Variants in AGBL4 observed in about 807,000 individuals in gnomAD.
AGBL4 encodes AGBL carboxypeptidase 4, also known as cytosolic carboxypeptidase 6.
A neutral mutation model predicts 66.4 loss-of-function variants in AGBL4; 58 were observed. That is an observed-to-expected ratio of 0.87 (90% CI 0.71 to 1.09). AGBL4 has a LOEUF of 1.09. Among genes scored for constraint, AGBL4 ranks in the 50% least tolerant of loss-of-function variants. AGBL4 has a pLI of 0.00. For missense variants in AGBL4, 579 were observed against 631.0 expected, an observed-to-expected ratio of 0.92 and a Z score of 0.88; for synonymous variants, 234 against 222.9, an observed-to-expected ratio of 1.05 and a Z score of -0.44.
chr1:49,022,374 A>C (rs1663314102), intron 5 of AGBL4, among the ~76,000 whole-genome samples: 1 of 151,830 alleles, frequency 6.6e-6, no homozygotes, highest in African/African-American at 2.4e-5. Flanking sequence ...TGGGAAGGCA[A>C]ATGAGGAACC....
chr1:49,427,636 G>A (rs1423873165), intron 3 of AGBL4, among the ~76,000 whole-genome samples: 1 of 152,198 alleles, frequency 6.6e-6, no homozygotes, highest in African/African-American at 2.4e-5. Flanking sequence ...GTTGACTTCA[G>A]GAGTGAAGTC....
intron 11 of AGBL4, among the ~76,000 whole-genome samples, chr1:48,551,536 G>A (rs529163124): frequency 2.6e-5 from 4 of 151,986 alleles, no homozygotes; most frequent in African/African-American, 9.7e-5. Flanking sequence ...AGCATGTTAG[G>A]CCTATGAACA....
chr1:48,766,228 AAAG>A (rs1208003265), intron 6 of AGBL4, among the ~76,000 whole-genome samples: 1 of 152,278 alleles, frequency 6.6e-6, no homozygotes, highest in East Asian at 1.9e-4. Flanking sequence ...TTTTTCCAAA[AAAG>A]AAGAAATGAG....
chr1:49,368,550 T>C (rs551792932), intron 3 of AGBL4, among the ~76,000 whole-genome samples: 1 of 152,218 alleles, frequency 6.6e-6, no homozygotes, highest in South Asian at 2.1e-4. Flanking sequence ...CACGTCTCTG[T>C]GGTTATAAAT....
intron 1 of AGBL4, among the ~76,000 whole-genome samples, chr1:49,899,924 C>A (rs183720139): frequency 1.1e-4 from 17 of 152,148 alleles, no homozygotes; most frequent in African/African-American, 3.6e-4. Flanking sequence ...TGCCTGTAAT[C>A]CCAGCTACAG....
intron 6 of AGBL4, among the ~76,000 whole-genome samples, chr1:48,715,563 A>G (rs1570333373): frequency 6.6e-6 from 1 of 152,322 alleles, no homozygotes; most frequent in South Asian, 2.1e-4. Flanking sequence ...GAATGGCTTC[A>G]GGTGAGTATT....
chr1:49,388,259 G>T (rs1644777028), intron 3 of AGBL4, among the ~76,000 whole-genome samples: 1 of 152,022 alleles, frequency 6.6e-6, no homozygotes, highest in African/African-American at 2.4e-5. Flanking sequence ...TAGGCTTATA[G>T]GCCATAGAGT....
chr1:49,980,918 T>C (rs1297036124), intron 1 of AGBL4, among the ~76,000 whole-genome samples: 1 of 152,236 alleles, frequency 6.6e-6, no homozygotes, highest in Admixed American at 6.5e-5. Context: ...GTATGCCCTG[T>C]ACTTCTGCTA....
At chr1:48,596,810 T>C (rs1445925151) in intron 9 of AGBL4, among the ~76,000 whole-genome samples, 1 of 152,040 alleles carries the variant, frequency 6.6e-6, no homozygotes, top group Non-Finnish European at 1.5e-5. Context: ...AGATATGTCC[T>C]GAACATGGCT....
chr1:49,363,877 G>A (rs1206602129), intron 3 of AGBL4, among the ~76,000 whole-genome samples: 1 of 152,152 alleles, frequency 6.6e-6, no homozygotes, highest in East Asian at 1.9e-4. Context: ...TGCCCTCAAA[G>A]AGCTCATAGC....
chr1:48,542,004 C>G (rs1458450243), intron 11 of AGBL4, among the ~76,000 whole-genome samples: 3 of 152,118 alleles, frequency 2.0e-5, no homozygotes, highest in Non-Finnish European at 2.9e-5. Flanking sequence ...ACCCAACCCC[C>G]TGACTGGCCC....
At chr1:49,709,677 G>A (rs904314369) in intron 2 of AGBL4, among the ~76,000 whole-genome samples, 10 of 152,058 alleles carry the variant, frequency 6.6e-5, no homozygotes, top group Admixed American at 1.3e-4. Flanking sequence ...GGGAGAAAAT[G>A]TTTGCAATCT....
At chr1:49,815,801 AT>A (rs1645216995) in intron 2 of AGBL4, among the ~76,000 whole-genome samples, 1 of 152,038 alleles carries the variant, frequency 6.6e-6, no homozygotes, top group African/African-American at 2.4e-5. Flanking sequence ...CCTGTTTGCC[AT>A]TTGTATGTCT....
chr1:48,671,138 A>G (rs913765774), intron 6 of AGBL4, among the ~76,000 whole-genome samples: 4 of 152,218 alleles, frequency 2.6e-5, no homozygotes, highest in African/African-American at 7.2e-5. Context: ...TCAGCTACCA[A>G]TGCTCCTGGG....
chr1:48,797,335 A>T (rs1029738735), intron 6 of AGBL4, among the ~76,000 whole-genome samples: 1 of 152,176 alleles, frequency 6.6e-6, no homozygotes, highest in Non-Finnish European at 1.5e-5. Flanking sequence ...GGAAGTGTAC[A>T]CTGTACCTAA....
At chr1:48,655,601 A>C (rs868630582) in intron 7 of AGBL4, among the ~76,000 whole-genome samples, 1 of 152,212 alleles carries the variant, frequency 6.6e-6, no homozygotes, top group Non-Finnish European at 1.5e-5. Flanking sequence ...TGTATCAGAG[A>C]TCCTGTGTTA....
chr1:49,714,047 T>C (rs1558185326), intron 2 of AGBL4, among the ~76,000 whole-genome samples: 1 of 152,070 alleles, frequency 6.6e-6, no homozygotes, highest in Non-Finnish European at 1.5e-5. Context: ...TATATTTAAA[T>C]ATCATGACTA....
At chr1:49,464,795 T>C (rs975981412) in intron 3 of AGBL4, among the ~76,000 whole-genome samples, 2 of 151,500 alleles carry the variant, frequency 1.3e-5, no homozygotes, top group Non-Finnish European at 3.0e-5. Context: ...AGCTTGAACA[T>C]AGTAGGTCAA....
intron 3 of AGBL4, among the ~76,000 whole-genome samples, chr1:49,648,720 G>C (rs1645941741): frequency 6.6e-6 from 1 of 151,572 alleles, no homozygotes; most frequent in Non-Finnish European, 1.5e-5. Context: ...AATATTGAAA[G>C]TGTGGAGAAA....
Sources: allele counts gnomAD v4.1 joint callset (sites outside exome capture counted in the v4.1 genomes callset), GRCh38; gene constraint gnomAD v4.1.1; transcripts MANE v1.5; gene names NCBI Gene and HGNC (gene_info 2026-07-23, HGNC 2026-07-21).